The following NUP42 variants were observed in gnomAD, a reference collection of about 807,000 sequenced individuals.
NUP42 encodes the protein nucleoporin 42.
NUP42 carries 47 observed loss-of-function variants against 35.9 expected under a neutral mutation model. That is an observed-to-expected ratio of 1.31 (90% CI 1.04 to 1.67). The LOEUF is 1.67. Among genes scored for constraint, NUP42 ranks in the 40% most tolerant of loss-of-function variants. The pLI is 0.00. For synonymous variants in NUP42, 173 were observed against 173.3 expected (o/e 1.00, Z 0.01); for missense variants, 514 against 492.2 (o/e 1.04, Z -0.42).
At position 23,187,085 on chromosome 7, in the gene NUP42, A is replaced by T. The variant is rs755629421; in HGVS notation, c.384A>T (p.Glu128Asp). 1 of 1,606,000 alleles carries T rather than the reference A, an allele frequency of 6.2e-7. No individual in the cohort carries two copies. Among genetic ancestry groups the T allele is most frequent in the Non-Finnish European group, 8.5e-7 (1 of 1,176,674 alleles). Residue 128 changes from glutamate to aspartate, a missense_variant, in exon 3 of 7, where the codon GAA (glutamate) becomes GAT (aspartate). Coordinates refer to ENST00000258742, the MANE Select transcript of NUP42 (RefSeq NM_007342.3). ...TTGTAAAAGATATGGAGGTTTGGGA[A>T]TCATCAGGGCAGTGGATGTTTTCTG... ...EGIVKDMEVWESSGQWMFSVY... is the reference protein window; with the variant it reads ...EGIVKDMEVWDSSGQWMFSVY...
chr7:23,185,361 T>G, intron 2 of NUP42, 63 bp downstream of exon 2: 1 of 1,098,140 alleles, frequency 9.1e-7, no homozygotes, highest in East Asian at 2.4e-5. Context: ...CTACAATCTT[T>G]GTTGTTTCTC....
chr7:23,185,273 G>A lies in NUP42; in HGVS notation c.325G>A (p.Glu109Lys). ...ENPFASLSPD[E>K]QKDEKKLLEG... ...CCCATTTGCTTCACTTAGTCCTGATGAGCAGAAAGATGAAAAGAAACTTCT... is the reference window on the plus strand; with the variant it reads ...CCCATTTGCTTCACTTAGTCCTGATAAGCAGAAAGATGAAAAGAAACTTCT... The change falls in exon 2 of 7, where the codon GAG (glutamate) becomes AAG (lysine). Residue 109 changes from glutamate (E) to lysine (K), a missense_variant. Physicochemically the swap from Glu to Lys is moderately conservative, Grantham distance 56. Transcript: ENST00000258742. 6.2e-7 allele frequency: 1 copy of A among 1,610,550 alleles called. No homozygotes were observed. Among genetic ancestry groups the A allele is most frequent in the Non-Finnish European group, 8.5e-7 (1 of 1,178,750 alleles).
chr7:23,182,386 TGTG>T, intron 1 of NUP42, 180 bp downstream of exon 1: 1 of 1,407,688 alleles, frequency 7.1e-7, no homozygotes, highest in Non-Finnish European at 9.2e-7. Context: ...ATATTATTCA[TGTG>T]GTCCGTTTTT....
chr7:23,184,983 G>A, intron 1 of NUP42, 87 bp from the exon 2 acceptor site: 10 of 1,132,376 alleles, frequency 8.8e-6, no homozygotes, highest in Non-Finnish European at 1.2e-5. Context: ...TCCACCCTGG[G>A]CAAAAGAGTG....
At chr7:23,191,838 C>T (rs1257208786) in intron 3 of NUP42, among the ~76,000 whole-genome samples, 3 of 151,996 alleles carry the variant, frequency 2.0e-5, no homozygotes, top group Non-Finnish European at 4.4e-5. Flanking sequence ...TGTGGTGGCA[C>T]ATTCCTATAG....
Position 23,199,529 on chromosome 7 carries a change from A to G in NUP42, c.681A>G (p.Thr227=), listed in dbSNP as rs140947183. 5,082 of 1,613,858 alleles carry G rather than the reference A, an allele frequency of 3.1e-3. 12 individuals are homozygous for G. Among genetic ancestry groups the G allele is most frequent in the Non-Finnish European group, 4.1e-3 (4,790 of 1,179,750 alleles). Residue 227 remains threonine, a synonymous_variant, in exon 6 of 7, where the codon ACA becomes ACG. Transcript: ENST00000258742. The part of the protein sequence containing the change: ...AFGFGSSQAA[T]FMSPGFPVNN... The stretch of plus-strand genomic sequence containing the variant: ...GATTTGGCAGCAGTCAAGCAGCAAC[A>G]TTTATGTCGCCAGGTAAGTGATAAA...
chr7:23,192,890 CTT>C (rs1232439940), intron 3 of NUP42, among the ~76,000 whole-genome samples: 1 of 152,224 alleles, frequency 6.6e-6, no homozygotes, highest in Non-Finnish European at 1.5e-5. Flanking sequence ...GTCTCACTGA[CTT>C]CAAGAATGAA....
intron 2 of NUP42, among the ~76,000 whole-genome samples, chr7:23,186,296 T>C (rs914457412): frequency 5.9e-5 from 9 of 152,220 alleles, no homozygotes; most frequent in African/African-American, 2.2e-4. Context: ...GTAGACATGT[T>C]GAGTCATATA....
chr7:23,188,200 G>T (rs547849904), intron 3 of NUP42: 1 of 1,260,848 alleles, frequency 7.9e-7, no homozygotes, highest in Non-Finnish European at 1.0e-6. Flanking sequence ...CTCAGTTCTA[G>T]TTGCTCATTT....
At chr7:23,187,470 A>G (rs1738253667) in intron 3 of NUP42, 1 of 191,218 alleles carries the variant, frequency 5.2e-6, no homozygotes, top group South Asian at 1.4e-4. Flanking sequence ...CCTGCCTGTC[A>G]TTAAGGCCTT....
In NUP42 at chr7:23,196,774, T is replaced by C. The variant is rs778001251; in HGVS notation, c.609+8T>C. On this transcript the variant is annotated splice_region_variant and intron_variant, in intron 5 of 6. Transcript: ENST00000258742. Reference sequence around the variant, plus strand: ...TCAACTAAAGTAGCTTTGGTGAGTATGGGAGAGTTTTCTTGAGGGAAGTGT... The same window carrying C: ...TCAACTAAAGTAGCTTTGGTGAGTACGGGAGAGTTTTCTTGAGGGAAGTGT... 7 of 1,563,690 alleles carry C rather than the reference T, an allele frequency of 4.5e-6. No homozygotes were observed. The South Asian group carries it at 7.8e-5, about 17-fold the overall frequency.
Position 23,185,188 on chromosome 7 carries a change from C to A in NUP42, c.240C>A (p.Phe80Leu). The A allele has an allele frequency of 3.7e-6, 6 of 1,614,164 alleles. No individual in the cohort carries two copies. Among genetic ancestry groups the A allele is most frequent in the Non-Finnish European group, 4.2e-6 (5 of 1,180,014 alleles). The change falls in exon 2 of 7, where the codon TTC becomes TTA. Residue 80 changes from phenylalanine to leucine, a missense_variant. Transcript: ENST00000258742. Reference protein sequence around the residue: ...GGSRDQEKPYFSSFDSGASTN... With the variant: ...GGSRDQEKPYLSSFDSGASTN... ...GCAGAGATCAAGAAAAGCCATATTT[C>A]AGTTCTTTTGATTCTGGAGCTTCAA... is the stretch of plus-strand genomic sequence containing the variant.
chr7:23,194,011 C>G (rs1268582611), intron 3 of NUP42, among the ~76,000 whole-genome samples: 2 of 152,244 alleles, frequency 1.3e-5, no homozygotes, highest in Non-Finnish European at 2.9e-5. Flanking sequence ...GGCCAGCCGG[C>G]AGCTCTGAGT....
chr7:23,200,477 C>G lies in NUP42; in HGVS notation c.1004C>G (p.Ala335Gly), dbSNP rs1221320553. Residue 335 changes from alanine to glycine, a missense_variant, in exon 7 of 7, where the codon GCC (alanine) becomes GGC (glycine). Transcript: ENST00000258742. ...CCTGTCAGAGCTCCAGTGGCCCCAG[C>G]CTTTGGAGGTGGCAGTTCTGTGGCT... is the stretch of plus-strand genomic sequence containing the variant. Reference protein sequence around the residue: ...TGPVRAPVAPAFGGGSSVAGF... With the variant: ...TGPVRAPVAPGFGGGSSVAGF... The G allele has an allele frequency of 6.2e-7, 1 of 1,614,188 alleles. No individual in the cohort carries two copies. Among genetic ancestry groups the G allele is most frequent in the East Asian group, 2.2e-5 (1 of 44,886 alleles).
rs774690348 is a variant in NUP42, at chr7:23,199,482, AATCAAG to A, written c.635_640del (p.Asn212_Ala214delinsThr). ...GCTCTCTGATGTAAAGGATGGAGTA[AATCAAG>A]CAGCACCTGCATTTGGATTTGGCAG... is the stretch of plus-strand genomic sequence containing the variant. On this transcript the variant is annotated inframe_deletion, in exon 6 of 7. Coordinates refer to ENST00000258742, the MANE Select transcript of NUP42 (RefSeq NM_007342.3). The A allele has an allele frequency of 1.2e-6, 2 of 1,614,176 alleles. No homozygotes were observed. Among genetic ancestry groups the A allele is most frequent in the Admixed American group, 1.7e-5 (1 of 60,030 alleles).
chr7:23,196,960 GA>G (rs953454752), intron 5 of NUP42, among the ~76,000 whole-genome samples, 194 bp downstream of exon 5: 1 of 152,214 alleles, frequency 6.6e-6, no homozygotes, highest in African/African-American at 2.4e-5. Flanking sequence ...CAGAAAAGCA[GA>G]AATAGTTATG....
At chr7:23,188,088 C>G (rs1447542383) in intron 3 of NUP42, 1 of 1,427,344 alleles carries the variant, frequency 7.0e-7, no homozygotes, top group Non-Finnish European at 9.2e-7. Flanking sequence ...CAAGCCCACT[C>G]TGGGTGTTCC....
chr7:23,194,868 T>G (rs1336866924), intron 3 of NUP42: 1 of 151,998 alleles, frequency 6.6e-6, no homozygotes, highest in East Asian at 1.9e-4. Context: ...TTTTGTATTT[T>G]TAGTAGAGAG....
At chr7:23,187,993 T>TC in intron 3 of NUP42, 1 of 952,436 alleles carries the variant, frequency 1.0e-6, no homozygotes, top group South Asian at 1.8e-5. Context: ...TCTCTCTCTC[T>TC]TTTTTTATTT....
Sources: gnomAD v4.1 joint callset for allele counts (sites outside exome capture counted in the v4.1 genomes callset) on GRCh38, gnomAD v4.1.1 for gene constraint, MANE v1.5 for transcripts, NCBI Gene and HGNC (gene_info 2026-07-23, HGNC 2026-07-21) for gene names.